The following PVT1 variants were observed in gnomAD, a reference collection of about 807,000 sequenced individuals.
PVT1 encodes Pvt1 oncogene, also known as CXCR4/PVT1 fusion.
intron 2 of PVT1, among the ~76,000 whole-genome samples, chr8:127,807,952 T>C (rs1814546122): frequency 1.3e-5 from 2 of 151,962 alleles, no homozygotes; most frequent in East Asian, 3.9e-4. Context: ...GTATTTTTAG[T>C]AGAGACGGGG....
At chr8:127,981,428 G>A (rs959364102) in intron 3 of PVT1, among the ~76,000 whole-genome samples, 4 of 152,222 alleles carry the variant, frequency 2.6e-5, no homozygotes, top group Non-Finnish European at 5.9e-5. Flanking sequence ...AGCCTGGCAT[G>A]TGGTGGGTGG....
At chr8:127,858,482 G>A (rs1014484899) in intron 2 of PVT1, among the ~76,000 whole-genome samples, 2 of 151,798 alleles carry the variant, frequency 1.3e-5, no homozygotes, top group African/African-American at 4.8e-5. Context: ...TTGGGCATAG[G>A]TTACCTTCTG....
At chr8:127,882,703 C>T (rs373667874) in intron 2 of PVT1, among the ~76,000 whole-genome samples, 7 of 152,190 alleles carry the variant, frequency 4.6e-5, no homozygotes, top group South Asian at 2.1e-4. Context: ...AGTCTGGTCT[C>T]GAACTCATGA....
At chr8:127,931,958 G>C (rs1417222066) in intron 3 of PVT1, among the ~76,000 whole-genome samples, 1 of 152,228 alleles carries the variant, frequency 6.6e-6, no homozygotes, top group Non-Finnish European at 1.5e-5. Context: ...ATAACAACGG[G>C]TTACTCATTT....
intron 4 of PVT1, among the ~76,000 whole-genome samples, chr8:128,020,812 G>A (rs910513828): frequency 1.3e-5 from 2 of 152,238 alleles, no homozygotes; most frequent in Admixed American, 6.5e-5. Flanking sequence ...GTTTGGGAAT[G>A]CAGGCCCCAG....
At chr8:127,845,279 A>G (rs1271576068) in intron 2 of PVT1, among the ~76,000 whole-genome samples, 1 of 152,106 alleles carries the variant, frequency 6.6e-6, no homozygotes, top group Admixed American at 6.5e-5. Flanking sequence ...CAGAGTGAGG[A>G]GCTGGGGACT....
chr8:127,852,703 G>A (rs1815117624), intron 2 of PVT1, among the ~76,000 whole-genome samples: 1 of 152,180 alleles, frequency 6.6e-6, no homozygotes, highest in African/African-American at 2.4e-5. Flanking sequence ...ATAAATGTGA[G>A]CTGATGTTAT....
At chr8:127,817,460 AATAT>A (rs34623953) in intron 2 of PVT1, among the ~76,000 whole-genome samples, 20 of 83,516 alleles carry the variant, frequency 2.4e-4, no homozygotes, top group East Asian at 2.0e-3. Flanking sequence ...CCCTTAGGGA[AATAT>A]ATATATATAT....
chr8:128,000,631 C>T (rs1817165125), intron 4 of PVT1, among the ~76,000 whole-genome samples: 1 of 152,226 alleles, frequency 6.6e-6, no homozygotes, highest in African/African-American at 2.4e-5. Flanking sequence ...GGCGGAGGGC[C>T]TTGCCCCTTC....
At chr8:127,822,648 G>C (rs1563614543) in intron 2 of PVT1, among the ~76,000 whole-genome samples, 1 of 152,204 alleles carries the variant, frequency 6.6e-6, no homozygotes, top group Non-Finnish European at 1.5e-5. Context: ...GGACAAATCA[G>C]GGGGCATTCC....
chr8:127,814,259 G>A (rs1050066388), intron 2 of PVT1, among the ~76,000 whole-genome samples: 1 of 152,186 alleles, frequency 6.6e-6, no homozygotes, highest in Admixed American at 6.5e-5. Context: ...TGGGTTTCTG[G>A]GAGAGGCTGA....
chr8:127,866,658 A>T (rs541906220), intron 2 of PVT1, among the ~76,000 whole-genome samples: 4 of 152,230 alleles, frequency 2.6e-5, no homozygotes, highest in African/African-American at 9.6e-5. Context: ...GGATGGTGAC[A>T]GACAGTGGCA....
intron 4 of PVT1, among the ~76,000 whole-genome samples, chr8:127,992,258 C>T (rs775083425): frequency 1.4e-4 from 22 of 152,212 alleles, no homozygotes; most frequent in African/African-American, 4.6e-4. Flanking sequence ...TGGTGGCACA[C>T]GCCTGTAATC....
intron 3 of PVT1, among the ~76,000 whole-genome samples, chr8:127,902,458 T>C (rs1407980944): frequency 6.7e-6 from 1 of 150,210 alleles, no homozygotes; most frequent in Non-Finnish European, 1.5e-5. Flanking sequence ...TATTTTAGAA[T>C]CAAGAGATGC....
chr8:127,862,167 G>T (rs2392826), intron 2 of PVT1, among the ~76,000 whole-genome samples: 1 of 152,198 alleles, frequency 6.6e-6, no homozygotes, highest in African/African-American at 2.4e-5. Flanking sequence ...CAGCACTTTG[G>T]GAGGTCGAGG....
rs1010216314 is a variant in PVT1, at chr8:127,845,649, G to A, written n.373-44940G>A. On this transcript the variant is annotated intron_variant and non_coding_transcript_variant, in intron 2 of 10. Transcript: ENST00000651587. Reference sequence around the variant, plus strand: ...CCACCTACCGGATGGGATTATGCAAGTGATATGACCCAGAGCATTCTGGAA... The same window carrying A: ...CCACCTACCGGATGGGATTATGCAAATGATATGACCCAGAGCATTCTGGAA... 3.9e-5 allele frequency among the ~76,000 whole-genome samples: 6 copies of A among 152,310 alleles called. No homozygotes were observed. The South Asian group carries it at 1.0e-3, about 26-fold the overall frequency.
intron 4 of PVT1, among the ~76,000 whole-genome samples, chr8:128,044,666 A>G (rs1813591074): frequency 6.6e-6 from 1 of 152,258 alleles, no homozygotes; most frequent in Non-Finnish European, 1.5e-5. Flanking sequence ...CTTTGCCCCC[A>G]GAAAGATCCT....
intron 1 of PVT1, chr8:127,795,874 C>T (rs1286888431): frequency 5.9e-6 from 1 of 170,184 alleles, no homozygotes; most frequent in Non-Finnish European, 1.5e-5. Flanking sequence ...CCTCAGAACC[C>T]TGAGTGGAAC....
intron 3 of PVT1, among the ~76,000 whole-genome samples, chr8:127,980,026 C>T (rs578237287): frequency 8.6e-4 from 125 of 144,896 alleles, no homozygotes; most frequent in African/African-American, 2.8e-3. Flanking sequence ...CCTACAGGTC[C>T]ATACCACAGC....
Sources: gnomAD v4.1 joint callset for allele counts (sites outside exome capture counted in the v4.1 genomes callset) on GRCh38, gnomAD v4.1.1 for gene constraint, MANE v1.5 for transcripts, NCBI Gene and HGNC (gene_info 2026-07-23, HGNC 2026-07-21) for gene names.